XRCC4: variants seen among roughly 807,000 people sequenced by gnomAD.
XRCC4 encodes DNA repair protein XRCC4.
Under a neutral mutation model 39.1 loss-of-function variants are expected in XRCC4, and 28 were observed. The ratio of observed to expected loss-of-function variants is 0.72; its 90% CI spans 0.53 to 0.98. The LOEUF (loss-of-function observed/expected upper bound fraction) is 0.98. XRCC4 is among the 50% of genes least tolerant of loss of function. The probability of loss-of-function intolerance (pLI) is 0.00; values close to 1 mark genes in which losing one functional copy is unlikely to be tolerated. For synonymous variants in XRCC4, 123 were observed against 126.4 expected, an observed-to-expected ratio of 0.97 and a Z score of 0.18; for missense variants, 350 against 376.4, an observed-to-expected ratio of 0.93 and a Z score of 0.58.
chr5:83,297,661 T>C (rs549677255), intron 7 of XRCC4, among the ~76,000 whole-genome samples: 10 of 152,068 alleles, frequency 6.6e-5, no homozygotes, highest in Non-Finnish European at 1.3e-4. Context: ...GATTATATAA[T>C]GCTTTAAAAG....
intron 7 of XRCC4, among the ~76,000 whole-genome samples, chr5:83,271,585 T>C (rs1754145608): frequency 6.6e-6 from 1 of 152,196 alleles, no homozygotes; most frequent in Non-Finnish European, 1.5e-5. Context: ...TAATGTCTAC[T>C]CTTTGACCAC....
At chr5:83,080,892 T>C (rs1346516036) in intron 1 of XRCC4, among the ~76,000 whole-genome samples, 1 of 152,208 alleles carries the variant, frequency 6.6e-6, no homozygotes, top group East Asian at 1.9e-4. Context: ...ATGTTGATGT[T>C]GTTAAGAACT....
At chr5:83,348,037 A>T (rs1756967715) in intron 7 of XRCC4, among the ~76,000 whole-genome samples, 1 of 152,186 alleles carries the variant, frequency 6.6e-6, no homozygotes, top group Non-Finnish European at 1.5e-5. Flanking sequence ...GGGCACAGTG[A>T]TGCAAGGGGT....
chr5:83,351,797 C>T lies in XRCC4; in HGVS notation c.894-1334C>T, dbSNP rs941265061. On this transcript the variant is annotated intron_variant, in intron 7 of 7. Transcript: ENST00000396027. ...GTGGCAGCCAACTGTAGTTAATTGT[C>T]TCTAATCAAGATGCCAAGGAGAACT... Among the ~76,000 whole-genome samples the T allele has an allele frequency of 2.6e-5, 4 of 152,264 alleles. No individual in the cohort carries two copies. In the Middle Eastern group the frequency reaches 0.01, roughly 388 times the overall value.
intron 3 of XRCC4, among the ~76,000 whole-genome samples, chr5:83,120,873 C>G (rs1376479961): frequency 2.0e-5 from 3 of 152,122 alleles, no homozygotes; most frequent in African/African-American, 4.8e-5. Flanking sequence ...ATGAAACTGT[C>G]ACCATAATCA....
At position 83,127,950 on chromosome 5, in the gene XRCC4, T is replaced by C. The variant is rs145242400; in HGVS notation, c.315+16747T>C. Among the ~76,000 whole-genome samples the C allele has an allele frequency of 5.3e-3, 807 of 152,036 alleles. 7 individuals carry two copies. Among genetic ancestry groups the C allele is most frequent in the African/African-American group, 0.019 (776 of 41,480 alleles). On this transcript the variant is annotated intron_variant, in intron 3 of 7. Coordinates refer to ENST00000396027, the MANE Select transcript of XRCC4 (RefSeq NM_003401.5). Reference sequence around the variant, plus strand: ...TGGCTAGTTTTGTTAGTTTGTTTGTTTGTTTGCTGAGAAGTCATCTGTCAT... The same window carrying C: ...TGGCTAGTTTTGTTAGTTTGTTTGTCTGTTTGCTGAGAAGTCATCTGTCAT...
chr5:83,346,985 G>A (rs1756935410), intron 7 of XRCC4, among the ~76,000 whole-genome samples: 1 of 152,058 alleles, frequency 6.6e-6, no homozygotes, highest in Admixed American at 6.5e-5. Context: ...CTTGGAGAAG[G>A]CATGTTCATG....
chr5:83,320,399 AAAG>A (rs1391794680), intron 7 of XRCC4, among the ~76,000 whole-genome samples: 4 of 151,442 alleles, frequency 2.6e-5, no homozygotes, highest in Non-Finnish European at 4.4e-5. Context: ...ATAAAAAAAA[AAAG>A]AAATAAAAAC....
At chr5:83,302,803 C>T (rs1296554628) in intron 7 of XRCC4, among the ~76,000 whole-genome samples, 1 of 152,154 alleles carries the variant, frequency 6.6e-6, no homozygotes, top group African/African-American at 2.4e-5. Flanking sequence ...TCTCAAAGTG[C>T]TTTACATTTG....
At chr5:83,327,447 A>G (rs1335204733) in intron 7 of XRCC4, among the ~76,000 whole-genome samples, 3 of 151,936 alleles carry the variant, frequency 2.0e-5, no homozygotes, top group African/African-American at 7.2e-5. Context: ...CACCTTATAA[A>G]ATGGTTCACT....
chr5:83,307,493 A>C (rs555017950), intron 7 of XRCC4, among the ~76,000 whole-genome samples: 3 of 152,342 alleles, frequency 2.0e-5, no homozygotes, highest in African/African-American at 4.8e-5. Flanking sequence ...AGAGAACTAT[A>C]AAGAGAATGC....
intron 7 of XRCC4, among the ~76,000 whole-genome samples, chr5:83,282,964 G>A (rs1426787476): frequency 1.3e-5 from 2 of 150,740 alleles, no homozygotes; most frequent in East Asian, 3.9e-4. Flanking sequence ...TTTGGGTAGT[G>A]ACTTTTTTGT....
chr5:83,244,730 A>G (rs1009569104), intron 6 of XRCC4, among the ~76,000 whole-genome samples: 1 of 152,104 alleles, frequency 6.6e-6, no homozygotes, highest in Non-Finnish European at 1.5e-5. Context: ...CCCTGTGCTG[A>G]GGTCTGGAAA....
intron 1 of XRCC4, among the ~76,000 whole-genome samples, chr5:83,097,025 C>T (rs1745709029): frequency 6.6e-6 from 1 of 152,172 alleles, no homozygotes; most frequent in African/African-American, 2.4e-5. Context: ...AATTTTAGTC[C>T]ATTTTGAGAA....
At chr5:83,150,096 G>T (rs1748635395) in intron 3 of XRCC4, among the ~76,000 whole-genome samples, 1 of 152,002 alleles carries the variant, frequency 6.6e-6, no homozygotes, top group Admixed American at 6.6e-5. Flanking sequence ...TTCTATTCGT[G>T]GCTAAATTAT....
chr5:83,170,125 A>G (rs967280783), intron 3 of XRCC4, among the ~76,000 whole-genome samples: 5 of 152,142 alleles, frequency 3.3e-5, no homozygotes, highest in African/African-American at 1.2e-4. Context: ...TTCAGGAATG[A>G]CATGGCATTT....
At chr5:83,284,014 C>T (rs1232203813) in intron 7 of XRCC4, among the ~76,000 whole-genome samples, 1 of 101,346 alleles carries the variant, frequency 9.9e-6, no homozygotes, top group African/African-American at 4.0e-5. Flanking sequence ...GATTCATAAA[C>T]TTAAGTCACT....
chr5:83,258,393 A>G, intron 6 of XRCC4, 137 bp from the exon 7 acceptor site: 2 of 1,063,718 alleles, frequency 1.9e-6, no homozygotes, highest in Non-Finnish European at 2.7e-6. Context: ...GATTCAACAA[A>G]TCTGCATAAA....
intron 3 of XRCC4, among the ~76,000 whole-genome samples, chr5:83,163,451 A>C (rs1749315652): frequency 6.6e-6 from 1 of 152,226 alleles, no homozygotes; most frequent in African/African-American, 2.4e-5. Context: ...ATTGAGCTTC[A>C]TTAATGAAAC....
Sources: allele counts gnomAD v4.1 joint callset (sites outside exome capture counted in the v4.1 genomes callset), GRCh38; gene constraint gnomAD v4.1.1; transcripts MANE v1.5; gene names NCBI Gene and HGNC (gene_info 2026-07-23, HGNC 2026-07-21).